Variants in NDST3 observed in about 807,000 individuals in gnomAD.
The protein encoded by NDST3 is bifunctional heparan sulfate N-deacetylase/N-sulfotransferase 3.
A neutral mutation model predicts 96.1 loss-of-function variants in NDST3; 58 were observed. The ratio of observed to expected loss-of-function variants is 0.60; its 90% CI spans 0.49 to 0.75. NDST3 has a LOEUF of 0.75. Ranked by LOEUF, NDST3 falls within the 30% of genes least tolerant of loss-of-function variation. NDST3 has a pLI of 0.00. For synonymous variants in NDST3, 333 were observed against 359.7 expected (o/e 0.93, Z 0.84); for missense variants, 788 against 1,034.2 (o/e 0.76, Z 3.27).
chr4:118,201,119 A>G (rs905572345), intron 6 of NDST3, among the ~76,000 whole-genome samples: 4 of 152,130 alleles, frequency 2.6e-5, no homozygotes, highest in Non-Finnish European at 5.9e-5. Flanking sequence ...CCATGATTTC[A>G]TTTTTTTATA....
At chr4:118,236,883 T>C (rs896387015) in intron 9 of NDST3, among the ~76,000 whole-genome samples, 163 bp from the exon 10 acceptor site, 5 of 152,146 alleles carry the variant, frequency 3.3e-5, no homozygotes, top group African/African-American at 1.2e-4. Context: ...ACATTATTAG[T>C]GTTCTAGATA....
chr4:118,114,801 T>C lies in NDST3; in HGVS notation c.1070-5T>C, dbSNP rs200103852. The C allele has an allele frequency of 4.9e-4, 776 of 1,576,076 alleles. 2 individuals are homozygous for C. The highest frequency in any genetic ancestry group is 5.0e-4 in the African/African-American group (36 of 72,370). ...ATTAATTGGATAATATTTCCCCCCC[T>C]AAAGGAACTGAAGAGGAAGATGAAG... On this transcript the variant is annotated splice_polypyrimidine_tract_variant and splice_region_variant and intron_variant, in intron 3 of 13. Transcript: ENST00000296499.
intron 2 of NDST3, among the ~76,000 whole-genome samples, chr4:118,074,949 C>T (rs539687164): frequency 1.3e-5 from 2 of 152,156 alleles, no homozygotes; most frequent in African/African-American, 4.8e-5. Context: ...ATGTACACCA[C>T]ATGCAGGTTA....
intron 6 of NDST3, among the ~76,000 whole-genome samples, chr4:118,220,492 C>CTAATG (rs1317165505): frequency 1.3e-5 from 2 of 151,902 alleles, no homozygotes; most frequent in African/African-American, 4.8e-5. Context: ...GGGCAAATAG[C>CTAATG]TAATGTATAT....
chr4:118,047,828 C>T (rs1310236666), intron 1 of NDST3, among the ~76,000 whole-genome samples: 1 of 152,046 alleles, frequency 6.6e-6, no homozygotes, highest in African/African-American at 2.4e-5. Flanking sequence ...GAGTATATTT[C>T]CCTAATCACA....
intron 6 of NDST3, among the ~76,000 whole-genome samples, chr4:118,215,889 G>C (rs979139620): frequency 6.6e-6 from 1 of 152,088 alleles, no homozygotes; most frequent in Non-Finnish European, 1.5e-5. Context: ...AGGGAGAGTG[G>C]AAACTGAACA....
chr4:118,175,829 G>GC (rs1736244921), intron 6 of NDST3, among the ~76,000 whole-genome samples: 1 of 152,126 alleles, frequency 6.6e-6, no homozygotes. Flanking sequence ...GAATTAGAAA[G>GC]CCTCTGGAGA....
chr4:118,136,179 T>G (rs1002965352), intron 4 of NDST3, among the ~76,000 whole-genome samples: 1 of 152,172 alleles, frequency 6.6e-6, no homozygotes, highest in Admixed American at 6.6e-5. Context: ...CTTCAAAAAG[T>G]TGTTAACCTC....
intron 11 of NDST3, among the ~76,000 whole-genome samples, chr4:118,241,398 T>C (rs959974838): frequency 6.6e-6 from 1 of 151,474 alleles, no homozygotes; most frequent in African/African-American, 2.5e-5. Context: ...TAAACAGAAA[T>C]ATCAGAGAAG....
chr4:118,056,467 C>T (rs1725438639), intron 2 of NDST3, among the ~76,000 whole-genome samples: 1 of 151,888 alleles, frequency 6.6e-6, no homozygotes, highest in Non-Finnish European at 1.5e-5. Context: ...TCTAAACTAA[C>T]TAAATGCTTT....
At chr4:118,074,559 A>C (rs1727344118) in intron 2 of NDST3, among the ~76,000 whole-genome samples, 1 of 152,144 alleles carries the variant, frequency 6.6e-6, no homozygotes, top group African/African-American at 2.4e-5. Context: ...AAGAAGGATA[A>C]CAACTCCTGC....
At chr4:118,145,975 C>T (rs1733911969) in intron 6 of NDST3, among the ~76,000 whole-genome samples, 1 of 152,134 alleles carries the variant, frequency 6.6e-6, no homozygotes, top group Non-Finnish European at 1.5e-5. Context: ...TAGCCGGAGG[C>T]CGGACTACTA....
At chr4:118,215,112 T>G (rs1222728468) in intron 6 of NDST3, among the ~76,000 whole-genome samples, 1 of 151,960 alleles carries the variant, frequency 6.6e-6, no homozygotes, top group African/African-American at 2.4e-5. Context: ...CAACTAGACA[T>G]TTAAGTATAA....
At chr4:118,164,936 C>T (rs1441581868) in intron 6 of NDST3, among the ~76,000 whole-genome samples, 1 of 151,784 alleles carries the variant, frequency 6.6e-6, no homozygotes, top group Non-Finnish European at 1.5e-5. Context: ...TTAAAAACTA[C>T]CAAATAAATG....
intron 3 of NDST3, among the ~76,000 whole-genome samples, chr4:118,105,831 A>G (rs1268167382): frequency 6.6e-6 from 1 of 152,164 alleles, no homozygotes; most frequent in Non-Finnish European, 1.5e-5. Flanking sequence ...TTAATCATCA[A>G]CTAGGAATGG....
chr4:118,058,440 A>AAAC (rs1321293654), intron 2 of NDST3, among the ~76,000 whole-genome samples: 1 of 151,810 alleles, frequency 6.6e-6, no homozygotes, highest in Non-Finnish European at 1.5e-5. Context: ...CAAAAAAAAA[A>AAAC]AAAAAACAGA....
intron 6 of NDST3, among the ~76,000 whole-genome samples, chr4:118,183,204 TG>T (rs906802671): frequency 3.3e-5 from 5 of 152,202 alleles, no homozygotes; most frequent in African/African-American, 1.2e-4. Flanking sequence ...ACCATTTCTT[TG>T]CTGGCTTTTC....
chr4:118,224,012 G>A (rs1739710086), intron 6 of NDST3, among the ~76,000 whole-genome samples: 1 of 152,126 alleles, frequency 6.6e-6, no homozygotes, highest in Non-Finnish European at 1.5e-5. Flanking sequence ...AAAGTTTCCT[G>A]CACTTTCTGT....
intron 6 of NDST3, among the ~76,000 whole-genome samples, chr4:118,207,435 A>G (rs960066192): frequency 7.0e-6 from 1 of 143,270 alleles, no homozygotes; most frequent in Non-Finnish European, 1.6e-5. Flanking sequence ...TTAAGCAGAA[A>G]GAAAATTTAA....
Sources: allele counts gnomAD v4.1 joint callset (sites outside exome capture counted in the v4.1 genomes callset), GRCh38; gene constraint gnomAD v4.1.1; transcripts MANE v1.5; gene names NCBI Gene and HGNC (gene_info 2026-07-23, HGNC 2026-07-21).